The following DNAH9 variants were observed in gnomAD, a reference collection of about 807,000 sequenced individuals.
The protein encoded by DNAH9 is DNAH9 variant protein.
In DNAH9, 345 loss-of-function variants were observed where a neutral mutation model predicts 471.6. The observed-to-expected ratio is 0.73, with a 90% CI of 0.67 to 0.80. The LOEUF (loss-of-function observed/expected upper bound fraction) is 0.80, where lower values mean the gene tolerates loss of function less well. DNAH9 is among the 30% of genes least tolerant of loss of function. DNAH9 has a pLI of 0.00. For missense variants in DNAH9, 5,407 were observed against 5,609.2 expected, an observed-to-expected ratio of 0.96 and a Z score of 1.15; for synonymous variants, 2,093 against 2,123.6, an observed-to-expected ratio of 0.99 and a Z score of 0.40.
chr17:11,618,242 AC>A, intron 5 of DNAH9, among the ~76,000 whole-genome samples: 1 of 152,110 alleles, frequency 6.6e-6, no homozygotes, highest in Non-Finnish European at 1.5e-5. Context: ...CTTCTTAGGG[AC>A]CCTTGTAGCA....
Position 11,902,773 on chromosome 17 carries a change from G to A in DNAH9, c.11461G>A (p.Ala3821Thr). The A allele has an allele frequency of 1.2e-6, 2 of 1,614,052 alleles. No individual in the cohort carries two copies. The highest frequency in any genetic ancestry group is 1.7e-6 in the Non-Finnish European group (2 of 1,179,894). Residue 3821 changes from alanine (A) to threonine (T), a missense_variant, in exon 60 of 69, where the codon GCT becomes ACT. By Grantham distance (58) the Ala-to-Thr change is moderately conservative. Transcript: ENST00000262442. Reference protein sequence around the residue: ...SNLDRDIEGSAKSWKKFVESE... With the variant: ...SNLDRDIEGSTKSWKKFVESE... ...TCTGGATCGGGACATAGAGGGATCT[G>A]CTAAGAGCTGGAAAAAGTTTGTGGA...
At chr17:11,953,738 CAGAG>C (rs1975499235) in intron 67 of DNAH9, among the ~76,000 whole-genome samples, 1 of 117,970 alleles carries the variant, frequency 8.5e-6, no homozygotes, top group African/African-American at 3.4e-5. Flanking sequence ...GCCTGGGCCA[CAGAG>C]AGAGACTCCA....
chr17:11,798,432 CAAAAAAAAAAAAAA>C (rs71142247), intron 43 of DNAH9, among the ~76,000 whole-genome samples: 20 of 61,598 alleles, frequency 3.2e-4, no homozygotes, highest in Admixed American at 1.1e-3. Flanking sequence ...GACTCTGCCT[CAAAAAAAAAAAAAA>C]AAAAAAAAAA....
In DNAH9 at chr17:11,641,470, G is replaced by A. The variant is rs193244371; in HGVS notation, c.1901+1086G>A. Among the ~76,000 whole-genome samples the A allele has an allele frequency of 7.2e-4, 110 of 152,168 alleles. 1 individual carries two copies. The highest frequency in any genetic ancestry group is 2.6e-3 in the African/African-American group (109 of 41,534). On this transcript the variant is annotated intron_variant, in intron 10 of 68. Coordinates refer to ENST00000262442, the MANE Select transcript of DNAH9 (RefSeq NM_001372.4). ...TTGCAGCATCTGCTTGGGTGTGGGC[G>A]AGATCTTTATTTTCAGATGAAGAAA...
At chr17:11,677,780 C>G (rs1437659298) in intron 17 of DNAH9, among the ~76,000 whole-genome samples, 1 of 151,830 alleles carries the variant, frequency 6.6e-6, no homozygotes, top group Non-Finnish European at 1.5e-5. Context: ...ATTTTTTCCT[C>G]TGCTACTTTG....
intron 15 of DNAH9, among the ~76,000 whole-genome samples, chr17:11,665,426 A>T (rs2073849957): frequency 6.6e-6 from 1 of 152,258 alleles, no homozygotes; most frequent in South Asian, 2.1e-4. Flanking sequence ...GGTTAAATGG[A>T]AGAAACAGAA....
chr17:11,613,752 G>A (rs1244186329), intron 4 of DNAH9, among the ~76,000 whole-genome samples: 1 of 152,166 alleles, frequency 6.6e-6, no homozygotes, highest in Admixed American at 6.5e-5. Context: ...AGAAAAATAT[G>A]AAGTAAGCAA....
At chr17:11,811,424 C>T (rs1255358840) in intron 45 of DNAH9, among the ~76,000 whole-genome samples, 1 of 152,176 alleles carries the variant, frequency 6.6e-6, no homozygotes, top group Non-Finnish European at 1.5e-5. Flanking sequence ...TAAGTTGGGT[C>T]TGTCTCCCCA....
chr17:11,929,783 T>C, intron 62 of DNAH9, 83 bp from the exon 63 acceptor site: 3 of 1,177,134 alleles, frequency 2.5e-6, no homozygotes. Flanking sequence ...GTCCCCCCTC[T>C]GGCTGCCTTC....
chr17:11,893,713 G>C (rs1315287982), intron 58 of DNAH9, among the ~76,000 whole-genome samples: 6 of 152,032 alleles, frequency 3.9e-5, no homozygotes. Flanking sequence ...CCTGTCAGGG[G>C]GTGGAGGGGA....
intron 39 of DNAH9, 110 bp downstream of exon 39, chr17:11,781,284 C>G: frequency 8.5e-7 from 1 of 1,180,384 alleles, no homozygotes. Flanking sequence ...GCTCTGGTGC[C>G]AGATGGGAAT....
intron 36 of DNAH9, among the ~76,000 whole-genome samples, chr17:11,763,951 G>A (rs528811924): frequency 6.6e-6 from 1 of 152,296 alleles, no homozygotes; most frequent in African/African-American, 2.4e-5. Context: ...GTGGAGAGAG[G>A]GGTGGAAGGA....
Position 11,647,059 on chromosome 17 carries a change from C to G in DNAH9, c.1971-13C>G. ...GGGGCTTATGAGGTGGCTGTTGTCT[C>G]TGACCCTTGCAGGTATGAGACAAGA... is the stretch of plus-strand genomic sequence containing the variant. On this transcript the variant is annotated splice_polypyrimidine_tract_variant and intron_variant, in intron 11 of 68. Transcript: ENST00000262442. 6.2e-7 allele frequency: 1 copy of G among 1,613,310 alleles called. No individual in the cohort carries two copies.
chr17:11,937,488 C>G lies in DNAH9; in HGVS notation c.12626C>G (p.Ala4209Gly), dbSNP rs1436341937. 1 of 1,613,492 alleles carries G rather than the reference C, an allele frequency of 6.2e-7. No individual in the cohort carries two copies. The highest frequency in any genetic ancestry group is 1.1e-5 in the South Asian group (1 of 91,030). ...VLELQPRDSQARDGAGATREE... is the reference protein window; with the variant it reads ...VLELQPRDSQGRDGAGATREE... ...GAGCTGCAGCCTCGGGACAGCCAGG[C>G]CAGAGACGGAGCGGGCGCCACAAGA... The change falls in exon 66 of 69, where the codon GCC becomes GGC. Residue 4209 changes from alanine to glycine, a missense_variant. Around this residue, in one of 3 missense-constraint regions of DNAH9, gnomAD observed 4,636 missense variants for 4,900.3 expected, o/e 0.95. Coordinates refer to ENST00000262442, the MANE Select transcript of DNAH9 (RefSeq NM_001372.4). This position sits in a 1 kb window ranked among gnomAD's most constrained non-coding sequence, Gnocchi z 4.1.
At chr17:11,904,237 GAC>G (rs1246405426) in intron 60 of DNAH9, among the ~76,000 whole-genome samples, 1 of 152,150 alleles carries the variant, frequency 6.6e-6, no homozygotes, top group East Asian at 1.9e-4. Context: ...AAGAGAAAAA[GAC>G]AGTGAAAGAG....
chr17:11,825,126 A>G (rs1205540961), intron 48 of DNAH9, among the ~76,000 whole-genome samples: 1 of 152,154 alleles, frequency 6.6e-6, no homozygotes, highest in Non-Finnish European at 1.5e-5. Flanking sequence ...ATTCCAGTTC[A>G]GGGCATCGTA....
rs36037678 is a variant in DNAH9 at position 11,826,455 on chromosome 17, G to GTT, written c.9246+3443_9246+3444dup. On this transcript the variant is annotated intron_variant, in intron 48 of 68. Coordinates refer to ENST00000262442, the MANE Select transcript of DNAH9 (RefSeq NM_001372.4). ...GTATGTTTTCTTTTTCTTTTTCTTG[G>GTT]TTTTTTTTTTTTTTTTTTTTTTTGA... 4.3e-3 allele frequency among the ~76,000 whole-genome samples: 337 copies of GTT among 78,924 alleles called. 2 individuals carry two copies. Among genetic ancestry groups the GTT allele is most frequent in the East Asian group, 0.013 (32 of 2,446 alleles). 51.8% of individuals were successfully genotyped at this position (78,924 alleles called of 152,430 possible).
At chr17:11,920,766 G>T (rs1276058883) in intron 61 of DNAH9, among the ~76,000 whole-genome samples, 1 of 152,132 alleles carries the variant, frequency 6.6e-6, no homozygotes, top group East Asian at 1.9e-4. Flanking sequence ...ATACAAATGA[G>T]ACTCACTGAA....
At chr17:11,773,055 G>A (rs998508561) in intron 38 of DNAH9, among the ~76,000 whole-genome samples, 2 of 152,224 alleles carry the variant, frequency 1.3e-5, no homozygotes, top group African/African-American at 4.8e-5. Context: ...TAGAAACCAG[G>A]TATCAAACAG....
Sources: allele counts gnomAD v4.1 joint callset (sites outside exome capture counted in the v4.1 genomes callset), GRCh38; gene constraint gnomAD v4.1.1; regional missense constraint gnomAD v4.1.1; non-coding constraint Gnocchi (gnomAD v3.1); transcripts MANE v1.5; gene names NCBI Gene and HGNC (gene_info 2026-07-23, HGNC 2026-07-21).